The following THRB variants were observed in gnomAD, a reference collection of about 807,000 sequenced individuals.
THRB encodes the protein nuclear receptor subfamily 1 group A member 2.
THRB carries 12 observed loss-of-function variants against 47.8 expected under a neutral mutation model. The ratio of observed to expected loss-of-function variants is 0.25; its 90% confidence interval spans 0.16 to 0.41. The LOEUF (loss-of-function observed/expected upper bound fraction) is 0.41. THRB is among the 10% of genes least tolerant of loss of function. THRB has a pLI of 1.00. For synonymous variants in THRB, 218 were observed against 212.2 expected (o/e 1.03, Z -0.24); for missense variants, 348 against 589.2 (o/e 0.59, Z 4.24).
intron 4 of THRB, among the ~76,000 whole-genome samples, chr3:24,228,102 G>C (rs2047858790): frequency 6.6e-6 from 1 of 152,182 alleles, no homozygotes; most frequent in Non-Finnish European, 1.5e-5. Flanking sequence ...TGATTGCTTA[G>C]AGTGGGAGAT....
chr3:24,291,125 T>C lies in THRB; in HGVS notation c.-43+6101A>G, dbSNP rs151270182. On this transcript the variant is annotated intron_variant, in intron 3 of 10. Transcript: ENST00000646209. ...TTACCCAAAAGAGAGATCCACAAAA[T>C]AGGTTCCTGTTACAGCCTTCCTCTC... 2.4e-3 allele frequency among the ~76,000 whole-genome samples: 363 copies of C among 152,294 alleles called. 1 individual carries two copies. Among genetic ancestry groups the C allele is most frequent in the African/African-American group, 8.4e-3 (348 of 41,570 alleles).
chr3:24,232,639 G>C (rs146905658), intron 3 of THRB, among the ~76,000 whole-genome samples: 12 of 152,126 alleles, frequency 7.9e-5, no homozygotes, highest in Non-Finnish European at 5.9e-5. Context: ...CATTACGCAG[G>C]TTTTAAGCAG....
At chr3:24,339,527 T>C (rs2062489142) in intron 1 of THRB, among the ~76,000 whole-genome samples, 1 of 151,698 alleles carries the variant, frequency 6.6e-6, no homozygotes, top group African/African-American at 2.4e-5. Context: ...CAGATTTAGG[T>C]TTTAAAGATA....
chr3:24,435,767 C>T (rs983106479), intron 1 of THRB, among the ~76,000 whole-genome samples: 2 of 152,138 alleles, frequency 1.3e-5, no homozygotes, highest in Non-Finnish European at 2.9e-5. Flanking sequence ...AATGTGGGCC[C>T]AGGAATGAAA....
At chr3:24,156,997 A>T (rs1331654096) in intron 5 of THRB, among the ~76,000 whole-genome samples, 1 of 152,212 alleles carries the variant, frequency 6.6e-6, no homozygotes, top group Non-Finnish European at 1.5e-5. Flanking sequence ...CCTGTGATAG[A>T]CACTATATTA....
intron 3 of THRB, among the ~76,000 whole-genome samples, chr3:24,278,296 C>T (rs1248769337): frequency 6.6e-6 from 1 of 152,066 alleles, no homozygotes; most frequent in African/African-American, 2.4e-5. Flanking sequence ...ATAAAGTATG[C>T]TATAAAGAAA....
intron 5 of THRB, among the ~76,000 whole-genome samples, chr3:24,188,659 T>G (rs988053915): frequency 4.6e-5 from 7 of 152,040 alleles, no homozygotes; most frequent in African/African-American, 1.7e-4. Context: ...ATGGTTTTAG[T>G]GCCAGCCCAT....
chr3:24,299,766 C>CTTTTTTTTTTT lies in THRB; in HGVS notation c.-188-2396_-188-2395insAAAAAAAAAAA, dbSNP rs1360367092. 1.3e-3 allele frequency among the ~76,000 whole-genome samples: 77 copies of CTTTTTTTTTTT among 58,490 alleles called. 30 individuals are homozygous for CTTTTTTTTTTT. Among genetic ancestry groups the CTTTTTTTTTTT allele is most frequent in the African/African-American group, 5.3e-3 (65 of 12,320 alleles). The allele number at this position is 58,490 out of a possible 152,430, so 38.4% of individuals were successfully genotyped here. A position where few individuals can be genotyped will look rare whatever the true frequency, so the allele number is the denominator to read the frequency against. ...GCCTTGAGGCTTCTGGGGAAGTATG[C>CTTTTTTTTTTT]TTTTTTATTTATTTATTTATTTATT... On this transcript the variant is annotated intron_variant, in intron 2 of 10. Coordinates refer to ENST00000646209, the MANE Select transcript of THRB (RefSeq NM_001354712.2).
rs191296242 is a variant in THRB at position 24,398,235 on chromosome 3, T to C, written c.-260-60864A>G. Among the ~76,000 whole-genome samples, 786 of 151,982 alleles carry C rather than the reference T, an allele frequency of 5.2e-3. 10 individuals are homozygous for C. The highest frequency in any genetic ancestry group is 0.018 in the African/African-American group (729 of 41,452). Reference sequence around the variant, plus strand: ...GGTCATTGAAAATGACCCCAAAAGATCTAATTAAACTAAAGAACTGCTGCA... The same window carrying C: ...GGTCATTGAAAATGACCCCAAAAGACCTAATTAAACTAAAGAACTGCTGCA... On this transcript the variant is annotated intron_variant, in intron 1 of 10. Coordinates refer to ENST00000646209, the MANE Select transcript of THRB (RefSeq NM_001354712.2).
chr3:24,483,302 T>G (rs1307596569), intron 1 of THRB, among the ~76,000 whole-genome samples: 2 of 152,126 alleles, frequency 1.3e-5, no homozygotes, highest in African/African-American at 2.4e-5. Context: ...TAAGAAATTA[T>G]AGAGTAATTA....
chr3:24,349,369 T>C (rs372694418), intron 1 of THRB, among the ~76,000 whole-genome samples: 6 of 152,194 alleles, frequency 3.9e-5, no homozygotes, highest in Admixed American at 2.6e-4. Flanking sequence ...TTCTAAGATA[T>C]ATGTGAAATA....
intron 5 of THRB, among the ~76,000 whole-genome samples, chr3:24,181,788 C>G (rs183032542): frequency 9.9e-5 from 15 of 152,174 alleles, no homozygotes; most frequent in Non-Finnish European, 2.2e-4. Context: ...CCTTCTAGTC[C>G]CATTCTTTCC....
At chr3:24,337,172 G>C (rs1482544979) in intron 2 of THRB, 128 bp downstream of exon 2, 1 of 152,042 alleles carries the variant, frequency 6.6e-6, no homozygotes, top group Non-Finnish European at 1.5e-5. Context: ...AATACCTATA[G>C]AGTTCAAAAC....
intron 1 of THRB, among the ~76,000 whole-genome samples, chr3:24,436,294 G>A (rs1227669334): frequency 1.3e-5 from 2 of 152,040 alleles, no homozygotes; most frequent in South Asian, 2.1e-4. Flanking sequence ...GGAAAGCCCA[G>A]CACTGTAAGG....
intron 2 of THRB, among the ~76,000 whole-genome samples, chr3:24,309,435 A>G (rs2057593238): frequency 6.6e-6 from 1 of 152,104 alleles, no homozygotes; most frequent in Non-Finnish European, 1.5e-5. Context: ...GCAATCCAAA[A>G]TTTGAACTAT....
intron 3 of THRB, among the ~76,000 whole-genome samples, chr3:24,275,681 T>C (rs1228936054): frequency 6.6e-6 from 1 of 152,210 alleles, no homozygotes. Context: ...CATCCAACTC[T>C]GGTTTTTGCC....
In THRB at chr3:24,152,484, A is replaced by T. The variant is rs756851325; in HGVS notation, c.290T>A (p.Ile97Asn). 6.4e-7 allele frequency: 1 copy of T among 1,552,690 alleles called. No homozygotes were observed. The highest frequency in any genetic ancestry group is 2.2e-5 in the East Asian group (1 of 44,588). The change falls in exon 6 of 11, where the codon ATC becomes AAC. Residue 97 changes from isoleucine (I) to asparagine (N), a missense_variant. Coordinates refer to ENST00000646209, the MANE Select transcript of THRB (RefSeq NM_001354712.2). ...QTEEKKCKGY[I>N]PSYLDKDELC... ...CTCGTCCTTGTCTAAGTAACTGGGGATGTACCCTGTGAAGGAAATAAAAGA... is the reference window on the plus strand; with the variant it reads ...CTCGTCCTTGTCTAAGTAACTGGGGTTGTACCCTGTGAAGGAAATAAAAGA...
chr3:24,273,793 C>A (rs1411585377), intron 3 of THRB, among the ~76,000 whole-genome samples: 1 of 151,970 alleles, frequency 6.6e-6, no homozygotes, highest in South Asian at 2.1e-4. Context: ...CTTCCCGAAC[C>A]CCCCCACCCC....
chr3:24,203,704 A>G (rs13327743), intron 4 of THRB, among the ~76,000 whole-genome samples: 39,167 of 152,066 alleles, frequency 0.26, 7,028 homozygotes, highest in African/African-American at 0.51. Context: ...GAAGCAGGGC[A>G]AGGCATCACC....
Sources: gnomAD v4.1 joint callset for allele counts (sites outside exome capture counted in the v4.1 genomes callset) on GRCh38, gnomAD v4.1.1 for gene constraint, MANE v1.5 for transcripts, NCBI Gene and HGNC (gene_info 2026-07-23, HGNC 2026-07-21) for gene names.